GPHN: variants seen among roughly 807,000 people sequenced by gnomAD.
GPHN encodes the protein gephyrin.
In GPHN, 17 loss-of-function variants were observed where a neutral mutation model predicts 95.5. That is an observed-to-expected ratio of 0.18 (90% confidence interval 0.12 to 0.27). GPHN has a LOEUF of 0.27. Ranked by LOEUF, GPHN falls within the 10% of genes least tolerant of loss-of-function variation. The pLI, the probability that GPHN is intolerant of heterozygous loss-of-function variation, is 1.00. For missense variants in GPHN, 660 were observed against 978.1 expected (o/e 0.67, Z 4.34); for synonymous variants, 320 against 322.5 (o/e 0.99, Z 0.08).
the GPHN span, chr14:67,383,740 G>A: frequency 2.9e-6 from 1 of 347,594 alleles, no homozygotes; most frequent in South Asian, 2.4e-5. Flanking sequence ...TCTCCAGATT[G>A]GCACCCCTTT....
At chr14:67,408,094 C>T in the GPHN span, among the ~76,000 whole-genome samples, 5 of 152,002 alleles carry the variant, frequency 3.3e-5, no homozygotes, top group Non-Finnish European at 5.9e-5. Flanking sequence ...CAAGACCAGC[C>T]TGACCAACAC....
At chr14:67,553,020 CTT>C in the GPHN span, among the ~76,000 whole-genome samples, 3 of 152,316 alleles carry the variant, frequency 2.0e-5, no homozygotes, top group Admixed American at 6.5e-5. Context: ...ATGTCATTGA[CTT>C]ATCACTCTTG....
chr14:67,221,966 C>T, the GPHN span: 3 of 836,414 alleles, frequency 3.6e-6, no homozygotes, highest in Non-Finnish European at 3.5e-6. Context: ...GAATCCTATA[C>T]TGAAGAAACT....
chr14:66,659,035 G>T (rs956278057), intron 1 of GPHN, among the ~76,000 whole-genome samples: 1 of 151,392 alleles, frequency 6.6e-6, no homozygotes, highest in African/African-American at 2.4e-5. Context: ...TTATATTATT[G>T]ATTTGAGACT....
At chr14:67,210,382 T>TG in the GPHN span, among the ~76,000 whole-genome samples, 9 of 152,024 alleles carry the variant, frequency 5.9e-5, no homozygotes, top group South Asian at 1.9e-3. Context: ...GCCCAGGAGT[T>TG]TGAAACCCAC....
chr14:67,600,123 C>T, the GPHN span: 1 of 1,597,276 alleles, frequency 6.3e-7, no homozygotes, highest in Non-Finnish European at 8.5e-7. Context: ...GGCAGAATTC[C>T]CGGCAGGACG....
At chr14:66,629,217 A>T (rs8016923) in intron 1 of GPHN, among the ~76,000 whole-genome samples, 2 of 106,808 alleles carry the variant, frequency 1.9e-5, no homozygotes, top group African/African-American at 1.3e-4. Flanking sequence ...ATTTATATAC[A>T]TATATAAATA....
chr14:66,987,893 A>G (rs1356396900), intron 9 of GPHN, among the ~76,000 whole-genome samples: 1 of 152,116 alleles, frequency 6.6e-6, no homozygotes, highest in Non-Finnish European at 1.5e-5. Flanking sequence ...CCGAAAAGAG[A>G]ACAAGTTGCT....
the GPHN span, among the ~76,000 whole-genome samples, chr14:67,203,835 C>T: frequency 3.9e-5 from 6 of 152,168 alleles, no homozygotes; most frequent in Non-Finnish European, 8.8e-5. Flanking sequence ...TCTCAGCCTC[C>T]CGAGTATCTG....
chr14:66,808,207 T>C (rs1158291625), intron 3 of GPHN, among the ~76,000 whole-genome samples: 1 of 152,234 alleles, frequency 6.6e-6, no homozygotes, highest in African/African-American at 2.4e-5. Context: ...TTTAAGTCTT[T>C]TCTACTTTTT....
At chr14:67,460,642 T>C in the GPHN span, among the ~76,000 whole-genome samples, 1 of 152,180 alleles carries the variant, frequency 6.6e-6, no homozygotes, top group Admixed American at 6.5e-5. Flanking sequence ...AGGCAGAGGT[T>C]GTGGTGAGCC....
chr14:66,538,530 G>T (rs1249156490), intron 1 of GPHN, among the ~76,000 whole-genome samples: 1 of 151,608 alleles, frequency 6.6e-6, no homozygotes, highest in African/African-American at 2.4e-5. Flanking sequence ...CTCCTCTTCT[G>T]TGCCAGGTTG....
rs540614169 is a variant in GPHN, at chr14:66,556,068, T to C, written c.64+47477T>C. On this transcript the variant is annotated intron_variant, in intron 1 of 22. Coordinates refer to ENST00000478722, the MANE Select transcript of GPHN (RefSeq NM_020806.5). ...ATAAATGTTACTGTACTGAGTGCTG[T>C]AGGCAGTTGCAACACAGTGGTATTT... 6.6e-5 allele frequency among the ~76,000 whole-genome samples: 10 copies of C among 152,280 alleles called. No homozygotes were observed. In the South Asian group the frequency reaches 2.1e-3, roughly 32 times the overall value.
the GPHN span, chr14:67,599,950 A>ACCAAAGACC: frequency 9.8e-3 from 13,019 of 1,322,724 alleles, 596 homozygotes; most frequent in East Asian, 0.12. Flanking sequence ...TCCGGGCTCG[A>ACCAAAGACC]CCAAAGACCC....
chr14:66,724,673 G>C (rs1325299008), intron 2 of GPHN, among the ~76,000 whole-genome samples: 2 of 152,118 alleles, frequency 1.3e-5, no homozygotes, highest in African/African-American at 4.8e-5. Flanking sequence ...ATCTGCTTCA[G>C]AGGAATGCCA....
chr14:66,685,552 C>G (rs981759105), intron 2 of GPHN, among the ~76,000 whole-genome samples: 1 of 152,150 alleles, frequency 6.6e-6, no homozygotes, highest in East Asian at 1.9e-4. Context: ...ATGTCTTCTT[C>G]TGAGAAGTGT....
the GPHN span, chr14:67,321,396 T>C: frequency 8.5e-5 from 66 of 773,676 alleles, no homozygotes; most frequent in Admixed American, 1.0e-4. Flanking sequence ...TGATTTGCTA[T>C]CTGAAATCAC....
chr14:66,634,174 C>T (rs2063978690), intron 1 of GPHN, among the ~76,000 whole-genome samples: 1 of 151,900 alleles, frequency 6.6e-6, no homozygotes, highest in African/African-American at 2.4e-5. Context: ...TGTTTCCCTG[C>T]CTTTTCATAT....
the GPHN span, chr14:67,677,227 C>T: frequency 1.3e-5 from 2 of 152,080 alleles, no homozygotes; most frequent in Admixed American, 6.6e-5. Flanking sequence ...AATTTTGGCA[C>T]AGACATTTTA....
Sources: gnomAD v4.1 joint callset for allele counts (sites outside exome capture counted in the v4.1 genomes callset) on GRCh38, gnomAD v4.1.1 for gene constraint, MANE v1.5 for transcripts, NCBI Gene and HGNC (gene_info 2026-07-23, HGNC 2026-07-21) for gene names.